The following LRRC8C variants were observed in gnomAD, a reference collection of about 807,000 sequenced individuals.
LRRC8C encodes the protein leucine rich repeat containing 8 VRAC subunit C.
Under a neutral mutation model 55.3 loss-of-function variants are expected in LRRC8C, and 20 were observed. That is an observed-to-expected ratio of 0.36 (90% CI 0.25 to 0.53). The LOEUF is 0.53. Ranked by LOEUF, LRRC8C falls within the 20% of genes least tolerant of loss-of-function variation. The pLI is 0.92. For synonymous variants in LRRC8C, 376 were observed against 360.7 expected (o/e 1.04, Z -0.48); for missense variants, 659 against 951.4 (o/e 0.69, Z 4.04).
chr1:89,698,413 T>C (rs1190957736), intron 2 of LRRC8C, among the ~76,000 whole-genome samples: 1 of 152,202 alleles, frequency 6.6e-6, no homozygotes, highest in East Asian at 1.9e-4. Context: ...GCATGGTGTC[T>C]ATCTTTAAAG....
chr1:89,692,515 T>C (rs1658053308), intron 2 of LRRC8C, among the ~76,000 whole-genome samples: 1 of 152,220 alleles, frequency 6.6e-6, no homozygotes, highest in South Asian at 2.1e-4. Flanking sequence ...CAAGGGGATG[T>C]TGATTCTTTC....
chr1:89,636,970 A>C (rs948356738), intron 1 of LRRC8C, among the ~76,000 whole-genome samples: 3 of 152,204 alleles, frequency 2.0e-5, no homozygotes, highest in Non-Finnish European at 4.4e-5. Flanking sequence ...ATGAGAGACA[A>C]ATCGGATATT....
intron 1 of LRRC8C, among the ~76,000 whole-genome samples, chr1:89,641,201 A>C (rs868432096): frequency 8.6e-4 from 130 of 151,922 alleles, no homozygotes; most frequent in African/African-American, 2.9e-3. Flanking sequence ...AAACTGTTAG[A>C]AAAACTTTTT....
intron 1 of LRRC8C, among the ~76,000 whole-genome samples, chr1:89,645,542 G>A (rs910225085): frequency 6.6e-6 from 1 of 152,142 alleles, no homozygotes; most frequent in South Asian, 2.1e-4. Context: ...AGCAGGTTAA[G>A]TACAACAATA....
At chr1:89,680,228 C>T (rs1657662521) in intron 1 of LRRC8C, among the ~76,000 whole-genome samples, 1 of 152,046 alleles carries the variant, frequency 6.6e-6, no homozygotes, top group Non-Finnish European at 1.5e-5. Context: ...CAGGTACTCA[C>T]CACTACGCCC....
chr1:89,641,668 A>T lies in LRRC8C; in HGVS notation c.-5+8346A>T, dbSNP rs372145622. ...ATTAGGGTCATTGAATTTGTTACCT[A>T]CTCATTAACTTTTAGGTTTCTTTAT... On this transcript the variant is annotated intron_variant, in intron 1 of 2. Transcript: ENST00000370454. Among the ~76,000 whole-genome samples, 30 of 152,170 alleles carry T rather than the reference A, an allele frequency of 2.0e-4. 1 individual carries two copies. Among genetic ancestry groups the T allele is most frequent in the African/African-American group, 7.0e-4 (29 of 41,510 alleles).
chr1:89,670,756 C>T (rs1336229530), intron 1 of LRRC8C, among the ~76,000 whole-genome samples: 1 of 152,036 alleles, frequency 6.6e-6, no homozygotes, highest in Non-Finnish European at 1.5e-5. Flanking sequence ...GAATCTATTC[C>T]ATCTTTAAAT....
chr1:89,682,582 A>C (rs1657749339), intron 1 of LRRC8C, among the ~76,000 whole-genome samples: 1 of 152,170 alleles, frequency 6.6e-6, no homozygotes, highest in Non-Finnish European at 1.5e-5. Flanking sequence ...TGCCTATTTC[A>C]CTGATGGTGC....
At chr1:89,694,954 C>T (rs1658131910) in intron 2 of LRRC8C, among the ~76,000 whole-genome samples, 1 of 146,838 alleles carries the variant, frequency 6.8e-6, no homozygotes, top group Non-Finnish European at 1.5e-5. Context: ...TACAGAGTCT[C>T]ACTGTCGCCC....
intron 2 of LRRC8C, among the ~76,000 whole-genome samples, chr1:89,709,277 T>C (rs1435808074): frequency 6.6e-6 from 1 of 152,282 alleles, no homozygotes; most frequent in Non-Finnish European, 1.5e-5. Flanking sequence ...TGCGTGAACT[T>C]GTGCAGGTCA....
At position 89,711,637 on chromosome 1, in the gene LRRC8C, C is replaced by G. The variant is rs999681209; in HGVS notation, c.139-1072C>G. Among the ~76,000 whole-genome samples, 5 of 152,224 alleles carry G rather than the reference C, an allele frequency of 3.3e-5. No individual in the cohort carries two copies. The South Asian group carries it at 1.0e-3, about 31-fold the overall frequency. ...TTATTCAATGTGTATTCTGTCACAT[C>G]CTACCTTATCTTCAAAAAGGGTGCA... On this transcript the variant is annotated intron_variant, in intron 2 of 2. Transcript: ENST00000370454.
chr1:89,667,620 T>G (rs1393778288), intron 1 of LRRC8C, among the ~76,000 whole-genome samples: 1 of 152,116 alleles, frequency 6.6e-6, no homozygotes, highest in Admixed American at 6.5e-5. Context: ...CAGTGTTTGA[T>G]GGGATGAGGA....
intron 1 of LRRC8C, among the ~76,000 whole-genome samples, chr1:89,680,549 C>CT (rs10593283): frequency 1.2e-4 from 11 of 91,878 alleles, no homozygotes; most frequent in African/African-American, 3.6e-4. Flanking sequence ...TGCTTTCATG[C>CT]TTTTTTTTTT....
intron 1 of LRRC8C, among the ~76,000 whole-genome samples, chr1:89,684,532 C>A (rs1657816422): frequency 1.3e-5 from 2 of 152,014 alleles, no homozygotes; most frequent in African/African-American, 4.8e-5. Flanking sequence ...TAAGACAGTA[C>A]CTTCTGAAGT....
upstream of LRRC8C, among the ~76,000 whole-genome samples, chr1:89,631,229 GGAT>G (rs1257241577): frequency 6.6e-6 from 1 of 152,094 alleles, no homozygotes; most frequent in Non-Finnish European, 1.5e-5. Context: ...ATACCTATAG[GGAT>G]GATAAGGGGA....
upstream of LRRC8C, among the ~76,000 whole-genome samples, chr1:89,630,381 A>G (rs146448595): frequency 1.4e-3 from 208 of 152,248 alleles, no homozygotes; most frequent in African/African-American, 4.7e-3. Context: ...GACCTATTTC[A>G]TTCCAAATCC....
At chr1:89,639,274 C>T (rs1431376218) in intron 1 of LRRC8C, among the ~76,000 whole-genome samples, 1 of 152,142 alleles carries the variant, frequency 6.6e-6, no homozygotes, top group African/African-American at 2.4e-5. Context: ...CGTGAGCCAC[C>T]ACGCCTGGCC....
intron 1 of LRRC8C, among the ~76,000 whole-genome samples, chr1:89,683,919 G>A (rs1657796581): frequency 6.6e-6 from 1 of 152,106 alleles, no homozygotes; most frequent in South Asian, 2.1e-4. Context: ...GATTGCAGAA[G>A]CAGATATATC....
intron 1 of LRRC8C, among the ~76,000 whole-genome samples, chr1:89,636,063 C>T (rs1570684631): frequency 6.6e-6 from 1 of 152,170 alleles, no homozygotes; most frequent in East Asian, 1.9e-4. Flanking sequence ...CTGTCAAATT[C>T]GGACTCTGCC....
Sources: gnomAD v4.1 joint callset for allele counts (sites outside exome capture counted in the v4.1 genomes callset) on GRCh38, gnomAD v4.1.1 for gene constraint, MANE v1.5 for transcripts, NCBI Gene and HGNC (gene_info 2026-07-23, HGNC 2026-07-21) for gene names.